The following CEP152 variants were observed in gnomAD, a reference collection of about 807,000 sequenced individuals.
The protein encoded by CEP152 is centrosomal protein of 152 kDa.
Under a neutral mutation model 188.9 loss-of-function variants are expected in CEP152, and 132 were observed. The ratio of observed to expected loss-of-function variants is 0.70; its 90% CI spans 0.61 to 0.81. The LOEUF (loss-of-function observed/expected upper bound fraction) is 0.81. Among genes scored for constraint, CEP152 ranks in the 30% least tolerant of loss-of-function variants. The probability of loss-of-function intolerance (pLI) is 0.00; values close to 1 mark genes in which losing one functional copy is unlikely to be tolerated. For synonymous variants in CEP152, 649 were observed against 666.6 expected, an observed-to-expected ratio of 0.97 and a Z score of 0.41; for missense variants, 1,914 against 1,969.8, an observed-to-expected ratio of 0.97 and a Z score of 0.54.
At chr15:48,730,434 T>A (rs1055347793) in intron 2 of CEP152, among the ~76,000 whole-genome samples, 1 of 152,188 alleles carries the variant, frequency 6.6e-6, no homozygotes, top group African/African-American at 2.4e-5. Context: ...AGGGGCTAAA[T>A]AAGCTCTCCG....
At chr15:48,731,751 C>A (rs1183694785) in intron 2 of CEP152, among the ~76,000 whole-genome samples, 3 of 152,148 alleles carry the variant, frequency 2.0e-5, no homozygotes, top group African/African-American at 7.2e-5. Flanking sequence ...GAACAGGCAA[C>A]CTACAGAATG....
At chr15:48,750,711 T>C (rs1205674860) in intron 21 of CEP152, among the ~76,000 whole-genome samples, 2 of 152,146 alleles carry the variant, frequency 1.3e-5, no homozygotes, top group African/African-American at 4.8e-5. Flanking sequence ...CTTAGTAGCA[T>C]GCTGTTAAAC....
chr15:48,766,965 C>T, intron 17 of CEP152, 95 bp downstream of exon 17: 1 of 1,496,912 alleles, frequency 6.7e-7, no homozygotes, highest in Non-Finnish European at 9.2e-7. Flanking sequence ...ATACCTTCTC[C>T]ATTCACTTCT....
In CEP152 at chr15:48,805,669, A is replaced by T. The variant is rs1239681044; in HGVS notation, c.-7-13T>A. 3 of 1,612,960 alleles carry T rather than the reference A, an allele frequency of 1.9e-6. No individual in the cohort carries two copies. In the Middle Eastern group the frequency reaches 5.0e-4, roughly 266 times the overall value. On this transcript the variant is annotated splice_polypyrimidine_tract_variant and intron_variant, in intron 1 of 26. Transcript: ENST00000380950. Reference sequence around the variant, plus strand: ...TGACATGGTCCTCCTGTGGGAAGGGAAAGATGTTTGGTTTCTGGACACCAC... The same window carrying T: ...TGACATGGTCCTCCTGTGGGAAGGGTAAGATGTTTGGTTTCTGGACACCAC...
intron 10 of CEP152, 62 bp downstream of exon 10, chr15:48,783,911 T>A: frequency 6.4e-7 from 1 of 1,573,552 alleles, no homozygotes; most frequent in South Asian, 1.1e-5. Context: ...TGGATCCTAC[T>A]ACATTCTTTC....
intron 17 of CEP152, among the ~76,000 whole-genome samples, chr15:48,765,138 C>T (rs1006238871): frequency 2.0e-5 from 3 of 151,974 alleles, no homozygotes; most frequent in African/African-American, 7.3e-5. Flanking sequence ...TAATGAATTC[C>T]CAGAGAGGGA....
At chr15:48,769,848 A>T (rs1251513971) in intron 13 of CEP152, among the ~76,000 whole-genome samples, 1 of 152,204 alleles carries the variant, frequency 6.6e-6, no homozygotes, top group African/African-American at 2.4e-5. Context: ...GCCTTCCAGA[A>T]ATGTCATCCA....
rs1488261263 is a variant in CEP152 at position 48,789,357 on chromosome 15, T to C, written c.973-356A>G. The stretch of plus-strand genomic sequence containing the variant: ...ATTGCTCTATGACCAAAGTGTGGGG[T>C]AACCCAATTGTTAGGTCACAGAAAA... On this transcript the variant is annotated intron_variant, in intron 8 of 26. Transcript: ENST00000380950. 3 of 299,936 alleles carry C rather than the reference T, an allele frequency of 1.0e-5. No individual in the cohort carries two copies. In the East Asian group the frequency reaches 2.2e-4, roughly 22 times the overall value. The allele number at this position is 299,936 out of a possible 1,614,324, so 18.6% of individuals were successfully genotyped here.
In CEP152 at chr15:48,770,051, A is replaced by G. The variant is rs146841692; in HGVS notation, c.1783-970T>C. Among the ~76,000 whole-genome samples the G allele has an allele frequency of 1.7e-3, 254 of 152,284 alleles. 3 individuals carry two copies. The highest frequency in any genetic ancestry group is 5.9e-3 in the African/African-American group (246 of 41,562). On this transcript the variant is annotated intron_variant, in intron 13 of 26. Transcript: ENST00000380950. ...TTCATTTGTTTTTCCACCTTCCCAG[A>G]TTTATCTGTTCATTTAACTTTGCAT... is the stretch of plus-strand genomic sequence containing the variant.
In CEP152 at chr15:48,782,276, C is replaced by A. The variant is rs764475329; in HGVS notation, c.1322-46G>T. 6.6e-6 allele frequency: 10 copies of A among 1,526,152 alleles called. No homozygotes were observed. In the South Asian group the frequency reaches 1.0e-4, roughly 15 times the overall value. The allele number at this position is 1,526,152 out of a possible 1,614,324, so 94.5% of individuals were successfully genotyped here. On this transcript the variant is annotated intron_variant, in intron 10 of 26. Transcript: ENST00000380950. ...GGATATACTGAAAAAATTAAGGGGA[C>A]AAAGTGCTTATGATCTACAGAAGAC... is the stretch of plus-strand genomic sequence containing the variant.
At chr15:48,739,428 T>A in intron 26 of CEP152, 140 bp from the exon 27 acceptor site, 1 of 1,283,988 alleles carries the variant, frequency 7.8e-7, no homozygotes, top group Non-Finnish European at 1.0e-6. Context: ...AATGCTTATA[T>A]ACTGTAATAA....
rs376454351 is a variant in CEP152 at position 48,744,264 on chromosome 15, T to G, written c.3811A>C (p.Ile1271Leu). Residue 1271 changes from isoleucine to leucine, a missense_variant, in exon 24 of 27, where the codon ATT becomes CTT. By Grantham distance (5) the Ile-to-Leu change is conservative. Transcript: ENST00000380950. Reference sequence around the variant, plus strand: ...CATTTAATTTTTTTTACAGCTTTAATGTACTGCCCACGAAGTTCTTCCAAG... The same window carrying G: ...CATTTAATTTTTTTTACAGCTTTAAGGTACTGCCCACGAAGTTCTTCCAAG... ...GALEELRGQY[I>L]KAVKKIKCDM... 378 of 1,613,982 alleles carry G rather than the reference T, an allele frequency of 2.3e-4. No homozygotes were observed. Among genetic ancestry groups the G allele is most frequent in the Non-Finnish European group, 3.0e-4 (349 of 1,179,990 alleles).
chr15:48,759,440 C>T (rs1427487207), intron 19 of CEP152, among the ~76,000 whole-genome samples: 1 of 152,136 alleles, frequency 6.6e-6, no homozygotes, highest in East Asian at 1.9e-4. Flanking sequence ...TATAGTAGGG[C>T]CTACCTCTGA....
Position 48,752,438 on chromosome 15 carries a change from G to A in CEP152, c.3377C>T (p.Ala1126Val). The A allele has an allele frequency of 6.2e-7, 1 of 1,613,798 alleles. No individual in the cohort carries two copies. The highest frequency in any genetic ancestry group is 8.5e-7 in the Non-Finnish European group (1 of 1,180,018). The change falls in exon 21 of 27, where the codon GCC becomes GTC. Residue 1126 changes from alanine (A) to valine (V), a missense_variant. By Grantham distance (64) the Ala-to-Val change is moderately conservative (BLOSUM62 0). Transcript: ENST00000380950. ...RNMAELSKDSASQGTGQGDPG... is the reference protein window; with the variant it reads ...RNMAELSKDSVSQGTGQGDPG... ...GTCTCCTTGGCCAGTGCCCTGGCTG[G>A]CAGAATCCTTAGAGAGCTCGGCCAT...
intron 20 of CEP152, among the ~76,000 whole-genome samples, chr15:48,754,101 A>G (rs1894085285): frequency 6.6e-6 from 1 of 152,198 alleles, no homozygotes; most frequent in South Asian, 2.1e-4. Context: ...CGAAAATGGC[A>G]GAAGGTCAAG....
chr15:48,791,306 C>T lies in CEP152; in HGVS notation c.903G>A (p.Glu301=). The T allele has an allele frequency of 6.2e-7, 1 of 1,612,884 alleles. No individual in the cohort carries two copies. Among genetic ancestry groups the T allele is most frequent in the Non-Finnish European group, 8.5e-7 (1 of 1,179,632 alleles). ...CTTTTATTTGAGCTTCAAGCTGTAT[C>T]TCTCTTTCTTTTCCATTCTGAAAGA... The part of the protein sequence containing the change: ...QKLFQNGKER[E]IQLEAQIKAL... The change falls in exon 8 of 27, where the codon GAG becomes GAA. Residue 301 remains glutamate, a synonymous_variant. Transcript: ENST00000380950.
chr15:48,734,620 T>C (rs1451004169), downstream of CEP152, among the ~76,000 whole-genome samples: 1 of 147,996 alleles, frequency 6.8e-6, no homozygotes, highest in Non-Finnish European at 1.5e-5. Flanking sequence ...AGCACTATAC[T>C]GTCTTCCAGA....
intron 2 of CEP152, among the ~76,000 whole-genome samples, chr15:48,802,953 T>C (rs1392730137): frequency 1.3e-5 from 2 of 152,240 alleles, no homozygotes; most frequent in East Asian, 3.8e-4. Context: ...CATGCTGTAT[T>C]AGCAACTAGC....
Position 48,762,511 on chromosome 15 carries a change from T to C in CEP152, c.2442A>G (p.Glu814=). 1.2e-6 allele frequency: 2 copies of C among 1,614,128 alleles called. No individual in the cohort carries two copies. Among genetic ancestry groups the C allele is most frequent in the Middle Eastern group, 1.7e-4 (1 of 6,058 alleles). Reference sequence around the variant, plus strand: ...TTTGCTGGATTGTGCACTTCTGCTCTTCTATCATAATTGCCATCTCTTTCT... The same window carrying C: ...TTTGCTGGATTGTGCACTTCTGCTCCTCTATCATAATTGCCATCTCTTTCT... ...ISKKEMAIMI[E]EQKCTIQQNL... The change falls in exon 18 of 27, where the codon GAA becomes GAG. Residue 814 remains glutamate (E), a synonymous_variant. Coordinates refer to ENST00000380950, the MANE Select transcript of CEP152 (RefSeq NM_001194998.2).
Sources: gnomAD v4.1 joint callset for allele counts (sites outside exome capture counted in the v4.1 genomes callset) on GRCh38, gnomAD v4.1.1 for gene constraint, MANE v1.5 for transcripts, NCBI Gene and HGNC (gene_info 2026-07-23, HGNC 2026-07-21) for gene names.